EHBP1: variants seen among roughly 807,000 people sequenced by gnomAD.
EHBP1 encodes EH domain-binding protein 1.
EHBP1 carries 55 observed loss-of-function variants against 144.0 expected under a neutral mutation model. That is an observed-to-expected ratio of 0.38 (90% CI 0.31 to 0.48). EHBP1 has a LOEUF of 0.48. EHBP1 is among the 20% of genes least tolerant of loss of function. The pLI, the probability that EHBP1 is intolerant of heterozygous loss-of-function variation, is 0.98. For synonymous variants in EHBP1, 469 were observed against 472.7 expected (o/e 0.99, Z 0.10); for missense variants, 1,200 against 1,364.2 (o/e 0.88, Z 1.90).
chr2:62,831,544 T>A (rs1228115854), intron 7 of EHBP1, among the ~76,000 whole-genome samples: 3 of 152,214 alleles, frequency 2.0e-5, no homozygotes, highest in African/African-American at 7.2e-5. Context: ...TTCATTTATT[T>A]ACTTGAATTA....
At chr2:62,961,999 G>A (rs973761136) in intron 14 of EHBP1, among the ~76,000 whole-genome samples, 3 of 152,072 alleles carry the variant, frequency 2.0e-5, no homozygotes, top group Non-Finnish European at 4.4e-5. Flanking sequence ...CTACACTCCA[G>A]CCTGGGCAAC....
At position 62,771,411 on chromosome 2, in the gene EHBP1, C is replaced by T. The variant is rs369784262; in HGVS notation, c.312+19C>T. On this transcript the variant is annotated intron_variant, in intron 5 of 22. Coordinates refer to ENST00000431489, the MANE Select transcript of EHBP1 (RefSeq NM_001142616.3). ...AGAAAATGTAAGCTAATGGCAAATT[C>T]CTTCACCTTTCACATTTTCAACTTT... 5.4e-5 allele frequency: 84 copies of T among 1,564,838 alleles called. No individual in the cohort carries two copies. Among genetic ancestry groups the T allele is most frequent in the Non-Finnish European group, 7.0e-5 (81 of 1,152,788 alleles).
At chr2:62,753,305 T>C (rs1265900779) in intron 3 of EHBP1, among the ~76,000 whole-genome samples, 2 of 152,198 alleles carry the variant, frequency 1.3e-5, no homozygotes, top group East Asian at 3.8e-4. Context: ...AAAATTCTTT[T>C]CTTTAAGAAT....
intron 7 of EHBP1, among the ~76,000 whole-genome samples, chr2:62,835,547 A>C (rs1413492069): frequency 6.6e-6 from 1 of 152,212 alleles, no homozygotes; most frequent in Non-Finnish European, 1.5e-5. Context: ...GCGACGCAGA[A>C]GACGGGTGAT....
At chr2:62,773,491 T>C (rs978368609) in intron 5 of EHBP1, among the ~76,000 whole-genome samples, 2 of 151,962 alleles carry the variant, frequency 1.3e-5, no homozygotes, top group African/African-American at 2.4e-5. Flanking sequence ...AGCTTCTCAA[T>C]AAATATTTAT....
intron 14 of EHBP1, among the ~76,000 whole-genome samples, chr2:62,957,640 G>GTTTTTT (rs771682026): frequency 9.3e-4 from 65 of 69,644 alleles, no homozygotes; most frequent in South Asian, 2.0e-3. Context: ...GAAAATAAAT[G>GTTTTTT]CTTTTTTTTT....
At chr2:62,915,162 A>G (rs897582798) in intron 10 of EHBP1, among the ~76,000 whole-genome samples, 1 of 152,054 alleles carries the variant, frequency 6.6e-6, no homozygotes, top group African/African-American at 2.4e-5. Flanking sequence ...GTATTACCGT[A>G]AAAAAGAATT....
intron 19 of EHBP1, among the ~76,000 whole-genome samples, chr2:63,033,727 A>C (rs1325232523): frequency 6.6e-6 from 1 of 152,148 alleles, no homozygotes; most frequent in African/African-American, 2.4e-5. Flanking sequence ...TAAAAATTAC[A>C]TACAGATTCT....
chr2:62,910,580 A>G (rs1271450753), intron 10 of EHBP1, among the ~76,000 whole-genome samples: 3 of 152,152 alleles, frequency 2.0e-5, no homozygotes, highest in African/African-American at 7.2e-5. Context: ...GATGTTTGGT[A>G]AATTTTTGTT....
chr2:63,021,494 A>G (rs142688748), intron 19 of EHBP1, among the ~76,000 whole-genome samples: 1 of 152,228 alleles, frequency 6.6e-6, no homozygotes, highest in African/African-American at 2.4e-5. Context: ...CACTTACAGA[A>G]GCAAACTGAA....
chr2:62,791,607 G>A (rs897926525), intron 5 of EHBP1, among the ~76,000 whole-genome samples: 2 of 151,796 alleles, frequency 1.3e-5, no homozygotes, highest in Admixed American at 6.6e-5. Flanking sequence ...AATATCTGAC[G>A]TTAAAAGTTT....
intron 10 of EHBP1, among the ~76,000 whole-genome samples, chr2:62,878,665 T>C: frequency 6.6e-6 from 1 of 152,110 alleles, no homozygotes. Flanking sequence ...GTTCAAAATA[T>C]GTAAATCAGT....
intron 5 of EHBP1, among the ~76,000 whole-genome samples, chr2:62,780,022 T>A (rs1406239967): frequency 3.3e-5 from 5 of 152,134 alleles, no homozygotes; most frequent in Non-Finnish European, 4.4e-5. Context: ...TTGAACATCA[T>A]CAGCTTAAGA....
chr2:62,724,544 C>G (rs2036553915), intron 2 of EHBP1, among the ~76,000 whole-genome samples: 1 of 152,070 alleles, frequency 6.6e-6, no homozygotes, highest in African/African-American at 2.4e-5. Flanking sequence ...AAGGAAGGCA[C>G]TTTGGCTTTT....
intron 3 of EHBP1, among the ~76,000 whole-genome samples, chr2:62,759,694 G>A (rs574592552): frequency 1.3e-5 from 2 of 152,104 alleles, no homozygotes; most frequent in East Asian, 3.9e-4. Context: ...ATGAGCCACC[G>A]TGCCCAGCCA....
In EHBP1 at chr2:62,675,678, A is replaced by G. The variant is rs188857539; in HGVS notation, c.-296+1595A>G. Among the ~76,000 whole-genome samples, 140 of 152,316 alleles carry G rather than the reference A, an allele frequency of 9.2e-4. 1 individual carries two copies. Among genetic ancestry groups the G allele is most frequent in the Non-Finnish European group, 1.8e-3 (120 of 68,018 alleles). On this transcript the variant is annotated intron_variant, in intron 1 of 22. Transcript: ENST00000405015. ...TTTCAATGCTGCAAAAAAAGGCCACATAGAAGGAAGAACCCATGGAGAGGT... is the reference window on the plus strand; with the variant it reads ...TTTCAATGCTGCAAAAAAAGGCCACGTAGAAGGAAGAACCCATGGAGAGGT...
intron 1 of EHBP1, among the ~76,000 whole-genome samples, chr2:62,681,510 C>T (rs2033530871): frequency 6.6e-6 from 1 of 151,272 alleles, no homozygotes; most frequent in Admixed American, 6.6e-5. Context: ...TAGCACAATT[C>T]CATACTATTG....
intron 8 of EHBP1, among the ~76,000 whole-genome samples, chr2:62,861,254 C>T (rs1355385603): frequency 6.6e-6 from 1 of 150,926 alleles, no homozygotes; most frequent in South Asian, 2.1e-4. Flanking sequence ...CTCAGCCTCC[C>T]GAGTAGCCTG....
Position 63,020,980 on chromosome 2 carries a change from A to ATTTTTT in EHBP1, c.3104-16534_3104-16529dup, listed in dbSNP as rs761382729. 1.3e-4 allele frequency among the ~76,000 whole-genome samples: 9 copies of ATTTTTT among 68,580 alleles called. 1 individual carries two copies. Among genetic ancestry groups the ATTTTTT allele is most frequent in the Admixed American group, 4.0e-4 (2 of 4,992 alleles). The allele number at this position is 68,580 out of a possible 152,430, so 45.0% of individuals were successfully genotyped here. A position where few individuals can be genotyped will look rare whatever the true frequency, so the allele number is the denominator to read the frequency against. On this transcript the variant is annotated intron_variant, in intron 19 of 22. Transcript: ENST00000431489. Reference sequence around the variant, plus strand: ...GGTATGAGCCACCGTGCCTGGCCTCATTTTTTTTTTTTTTTTTTTTTTTTT... The same window carrying ATTTTTT: ...GGTATGAGCCACCGTGCCTGGCCTCATTTTTTTTTTTTTTTTTTTTTTTTTTTTTTT...
Sources: allele counts gnomAD v4.1 joint callset (sites outside exome capture counted in the v4.1 genomes callset), GRCh38; gene constraint gnomAD v4.1.1; transcripts MANE v1.5; gene names NCBI Gene and HGNC (gene_info 2026-07-23, HGNC 2026-07-21).